MALRD1: variants seen among roughly 807,000 people sequenced by gnomAD.
MALRD1 encodes the protein MAM and LDL receptor class A domain containing 1.
Under a neutral mutation model 242.1 loss-of-function variants are expected in MALRD1, and 247 were observed. That is an observed-to-expected ratio of 1.02 (90% CI 0.92 to 1.13). The LOEUF is 1.13. Ranked by LOEUF, MALRD1 falls within the 50% of genes most tolerant of loss-of-function variation. MALRD1 has a pLI of 0.00. For synonymous variants in MALRD1, 995 were observed against 866.6 expected, an observed-to-expected ratio of 1.15 and a Z score of -2.60; for missense variants, 2,989 against 2,533.1, an observed-to-expected ratio of 1.18 and a Z score of -3.86.
At chr10:19,201,854 C>T (rs1299990693) in intron 14 of MALRD1, among the ~76,000 whole-genome samples, 2 of 152,048 alleles carry the variant, frequency 1.3e-5, no homozygotes, top group African/African-American at 4.8e-5. Flanking sequence ...CTCACTCTGT[C>T]ACCCAGGCTG....
At chr10:19,329,869 A>G (rs146840472) in intron 23 of MALRD1, among the ~76,000 whole-genome samples, 2 of 152,330 alleles carry the variant, frequency 1.3e-5, no homozygotes, top group African/African-American at 4.8e-5. Flanking sequence ...GATATAAGTG[A>G]TGATTTGATT....
At position 19,586,135 on chromosome 10, in the gene MALRD1, T is replaced by C. The variant is rs376025172; in HGVS notation, c.5681-9059T>C. Reference sequence around the variant, plus strand: ...TCTAGTTATACATTCTTCTAAATTTTTTTCAAAGTTTTCAACTTCTTTGCC... The same window carrying C: ...TCTAGTTATACATTCTTCTAAATTTCTTTCAAAGTTTTCAACTTCTTTGCC... On this transcript the variant is annotated intron_variant, in intron 33 of 39. Coordinates refer to ENST00000454679, the MANE Select transcript of MALRD1 (RefSeq NM_001142308.3). 3.9e-5 allele frequency among the ~76,000 whole-genome samples: 6 copies of C among 152,156 alleles called. No homozygotes were observed. In the East Asian group the frequency reaches 7.7e-4, roughly 20 times the overall value.
intron 18 of MALRD1, among the ~76,000 whole-genome samples, chr10:19,211,709 A>C (rs992506786): frequency 1.4e-5 from 2 of 143,960 alleles, no homozygotes; most frequent in Admixed American, 7.0e-5. Context: ...AAAAAAAAAA[A>C]AAAAAAAAAG....
intron 33 of MALRD1, among the ~76,000 whole-genome samples, chr10:19,575,982 A>T (rs1836802838): frequency 6.6e-6 from 1 of 152,220 alleles, no homozygotes; most frequent in Non-Finnish European, 1.5e-5. Flanking sequence ...TAATAGCCCA[A>T]AGAATATGTT....
intron 2 of MALRD1, among the ~76,000 whole-genome samples, chr10:19,070,709 CGT>C (rs1386684186): frequency 1.3e-5 from 2 of 151,600 alleles, no homozygotes; most frequent in African/African-American, 4.9e-5. Context: ...AGTTCTTTGT[CGT>C]ATAATTTTGA....
At chr10:19,150,157 G>A (rs150550694) in intron 11 of MALRD1, among the ~76,000 whole-genome samples, 143 of 152,196 alleles carry the variant, frequency 9.4e-4, no homozygotes, top group African/African-American at 3.0e-3. Flanking sequence ...ATTTGCATAC[G>A]TGTTTTTGTC....
At chr10:19,687,684 T>C (rs1340614078) in intron 36 of MALRD1, among the ~76,000 whole-genome samples, 1 of 152,210 alleles carries the variant, frequency 6.6e-6, no homozygotes, top group Admixed American at 6.5e-5. Flanking sequence ...TTTCATTTGT[T>C]ATACAAATCT....
At chr10:19,284,367 C>G (rs1279373552) in intron 21 of MALRD1, among the ~76,000 whole-genome samples, 1 of 150,324 alleles carries the variant, frequency 6.7e-6, no homozygotes, top group Non-Finnish European at 1.5e-5. Context: ...CGTCATCTAG[C>G]ATTAGGTATA....
At chr10:19,238,767 TG>T (rs1305212180) in intron 18 of MALRD1, among the ~76,000 whole-genome samples, 2 of 150,462 alleles carry the variant, frequency 1.3e-5, no homozygotes, top group East Asian at 1.9e-4. Flanking sequence ...TTGTTTTTTT[TG>T]TTTTTTTTTA....
chr10:19,058,741 G>T (rs1376179126), intron 1 of MALRD1, among the ~76,000 whole-genome samples: 1 of 151,908 alleles, frequency 6.6e-6, no homozygotes, highest in Non-Finnish European at 1.5e-5. Context: ...CACAAAAAGA[G>T]AAATGACCAT....
intron 18 of MALRD1, among the ~76,000 whole-genome samples, chr10:19,229,466 C>T (rs1324341618): frequency 2.6e-5 from 4 of 152,160 alleles, no homozygotes; most frequent in African/African-American, 9.7e-5. Context: ...TGCAGCCTCT[C>T]TGGGTGTGGC....
chr10:19,307,037 A>C (rs1842242531), intron 21 of MALRD1, among the ~76,000 whole-genome samples: 1 of 151,526 alleles, frequency 6.6e-6, no homozygotes, highest in Non-Finnish European at 1.5e-5. Flanking sequence ...TGCTGAACAG[A>C]GGGTATATGA....
At chr10:19,730,063 G>A (rs973588563) in intron 38 of MALRD1, among the ~76,000 whole-genome samples, 3 of 152,106 alleles carry the variant, frequency 2.0e-5, no homozygotes, top group Middle Eastern at 3.2e-3. Flanking sequence ...CTTAAGTAAA[G>A]TATAAAAGGA....
At chr10:19,510,526 AG>A (rs1165195629) in intron 31 of MALRD1, among the ~76,000 whole-genome samples, 1 of 152,218 alleles carries the variant, frequency 6.6e-6, no homozygotes, top group East Asian at 1.9e-4. Flanking sequence ...ACTTTTAACA[AG>A]CATGCTGCCT....
At chr10:19,719,228 A>ATATATATATG (rs1834606392) in intron 38 of MALRD1, among the ~76,000 whole-genome samples, 1 of 30,236 alleles carries the variant, frequency 3.3e-5, no homozygotes, top group African/African-American at 2.0e-4. Context: ...ACATACATAT[A>ATATATATATG]TATATATATA....
intron 12 of MALRD1, among the ~76,000 whole-genome samples, chr10:19,161,550 C>CAAAAAAAAAAAAAAAAA: frequency 1.5e-4 from 9 of 60,832 alleles, no homozygotes; most frequent in African/African-American, 2.7e-4. Flanking sequence ...AAAAAAAAAG[C>CAAAAAAAAAAAAAAAAA]AAAAAAAAAA....
At chr10:19,094,829 A>G (rs1291610171) in intron 4 of MALRD1, among the ~76,000 whole-genome samples, 1 of 152,228 alleles carries the variant, frequency 6.6e-6, no homozygotes, top group African/African-American at 2.4e-5. Flanking sequence ...ATGCAAGCCT[A>G]TAAAACACAA....
chr10:19,565,395 G>A (rs1341787654), intron 32 of MALRD1, among the ~76,000 whole-genome samples: 1 of 152,124 alleles, frequency 6.6e-6, no homozygotes, highest in African/African-American at 2.4e-5. Flanking sequence ...AAAACAAAGT[G>A]TTACAGTTAC....
chr10:19,373,203 C>CTAAAAAAAAAAAAAAAA (rs1845458617), intron 26 of MALRD1, among the ~76,000 whole-genome samples: 1 of 114,886 alleles, frequency 8.7e-6, no homozygotes, highest in Non-Finnish European at 1.8e-5. Context: ...ACGCTAAATA[C>CTAAAAAAAAAAAAAAAA]AAAAAAAAAA....
Sources: allele counts gnomAD v4.1 joint callset (sites outside exome capture counted in the v4.1 genomes callset), GRCh38; gene constraint gnomAD v4.1.1; transcripts MANE v1.5; gene names NCBI Gene and HGNC (gene_info 2026-07-23, HGNC 2026-07-21).